Variants in TAGLN2 observed in about 807,000 individuals in gnomAD.
TAGLN2 encodes transgelin 2, also known as transgelin-2.
A neutral mutation model predicts 24.9 loss-of-function variants in TAGLN2; 14 were observed. That is an observed-to-expected ratio of 0.56 (90% CI 0.37 to 0.88). TAGLN2 has a LOEUF of 0.88. Ranked by LOEUF, TAGLN2 falls within the 40% of genes least tolerant of loss-of-function variation. TAGLN2 has a pLI of 0.00. For synonymous variants in TAGLN2, 77 were observed against 98.2 expected (o/e 0.78, Z 1.28); for missense variants, 208 against 258.9 (o/e 0.80, Z 1.35).
intron 1 of TAGLN2, among the ~76,000 whole-genome samples, chr1:159,922,568 A>G (rs1249548805): frequency 6.6e-6 from 1 of 152,174 alleles, no homozygotes; most frequent in Non-Finnish European, 1.5e-5. Context: ...TGGCTGGAAG[A>G]CAGGTAGGAA....
intron 1 of TAGLN2, among the ~76,000 whole-genome samples, chr1:159,924,056 G>A (rs1273900614): frequency 1.3e-5 from 2 of 152,198 alleles, no homozygotes; most frequent in Non-Finnish European, 2.9e-5. Flanking sequence ...TCAGGAAGTA[G>A]TTGTTCAGGA....
intron 2 of TAGLN2, 22 bp downstream of exon 2, chr1:159,920,308 G>T: frequency 1.2e-6 from 2 of 1,614,148 alleles, no homozygotes; most frequent in Non-Finnish European, 1.7e-6. Context: ...GCACTTCCAA[G>T]CCAGTGGGGC....
rs934651731 is a variant in TAGLN2 at position 159,923,376 on chromosome 1, A to C, written c.-29+2074T>G. 3.9e-6 allele frequency: 6 copies of C among 1,533,814 alleles called. No homozygotes were observed. In the African/African-American group the frequency reaches 8.3e-5, roughly 21 times the overall value. On this transcript the variant is annotated intron_variant, in intron 1 of 4. Transcript: ENST00000368097. ...TCACCCTGGAGTTACAATAGGCGGG[A>C]AACGGGGAGGGGCCACGCAAGGCAC...
At chr1:159,922,409 C>T (rs534957032) in intron 1 of TAGLN2, among the ~76,000 whole-genome samples, 1 of 152,296 alleles carries the variant, frequency 6.6e-6, no homozygotes, top group South Asian at 2.1e-4. Flanking sequence ...TGGGCCCCGA[C>T]CCACAGCGCC....
At chr1:159,920,561 T>G (rs1650499138) in intron 1 of TAGLN2, 24 bp from the exon 2 acceptor site, 4 of 1,602,538 alleles carry the variant, frequency 2.5e-6, no homozygotes, top group Non-Finnish European at 3.4e-6. Context: ...ACACCCGGGC[T>G]TTTGGTCAAC....
In TAGLN2 at chr1:159,918,663, A is replaced by G; in HGVS notation, c.*137T>C. On this transcript the variant is annotated 3_prime_UTR_variant, in exon 5 of 5. Transcript: ENST00000368097. ...TGCCAGCAGGCACCTCAGAGGTGAC[A>G]GGACAGGCTGAACCCCCCACCCTGA... The G allele has an allele frequency of 1.6e-6, 2 of 1,237,562 alleles. No individual in the cohort carries two copies. Among genetic ancestry groups the G allele is most frequent in the African/African-American group, 1.5e-5 (1 of 66,806 alleles). The allele number at this position is 1,237,562 out of a possible 1,614,324, so 76.7% of individuals were successfully genotyped here. A position where few individuals can be genotyped will look rare whatever the true frequency, so the allele number is the denominator to read the frequency against.
chr1:159,918,646 G>A lies in TAGLN2; in HGVS notation c.*154C>T. 2 of 1,030,274 alleles carry A rather than the reference G, an allele frequency of 1.9e-6. No homozygotes were observed. The highest frequency in any genetic ancestry group is 2.8e-6 in the Non-Finnish European group (2 of 709,308). 63.8% of individuals were successfully genotyped at this position (1,030,274 alleles called of 1,614,324 possible). ...AAGCATGGGGGAGAGGATGCCAGCA[G>A]GCACCTCAGAGGTGACAGGACAGGC... On this transcript the variant is annotated 3_prime_UTR_variant, in exon 5 of 5. Transcript: ENST00000368097.
chr1:159,923,693 A>T, intron 1 of TAGLN2: 1 of 446,774 alleles, frequency 2.2e-6, no homozygotes, highest in Non-Finnish European at 4.0e-6. Context: ...TAAGGGAACC[A>T]CCGTAGGGCA....
At position 159,919,385 on chromosome 1, in the gene TAGLN2, G is replaced by C. The variant is rs71628155; in HGVS notation, c.356-9C>G. 1.2e-6 allele frequency: 2 copies of C among 1,613,910 alleles called. No individual in the cohort carries two copies. The highest frequency in any genetic ancestry group is 1.7e-6 in the Non-Finnish European group (2 of 1,179,744). On this transcript the variant is annotated splice_polypyrimidine_tract_variant and intron_variant, in intron 3 of 4. Coordinates refer to ENST00000368097, the MANE Select transcript of TAGLN2 (RefSeq NM_003564.3). Reference sequence around the variant, plus strand: ...ACAGGCCATGTTCTTTCCTGGGAAGGAGAATGGGAATGTGTCAGCCTCCGC... The same window carrying C: ...ACAGGCCATGTTCTTTCCTGGGAAGCAGAATGGGAATGTGTCAGCCTCCGC...
In TAGLN2 at chr1:159,921,651, T is replaced by C. The variant is rs538665550; in HGVS notation, c.-28-1114A>G. ...ACTAATACAGGAGCCCTGGGTGATA[T>C]TTTTGGGGAAACCTGGAGAAGAGAA... is the stretch of plus-strand genomic sequence containing the variant. On this transcript the variant is annotated intron_variant, in intron 1 of 4. Coordinates refer to ENST00000368097, the MANE Select transcript of TAGLN2 (RefSeq NM_003564.3). 3.9e-5 allele frequency among the ~76,000 whole-genome samples: 6 copies of C among 152,344 alleles called. No individual in the cohort carries two copies. In the South Asian group the frequency reaches 1.2e-3, roughly 32 times the overall value.
intron 1 of TAGLN2, chr1:159,923,396 AG>A: frequency 6.5e-7 from 1 of 1,546,002 alleles, no homozygotes; most frequent in Non-Finnish European, 8.7e-7. Context: ...GGGCCACGCA[AG>A]GCACTCGGCC....
At chr1:159,922,517 ACTCCACCATAGAAAC>A (rs1415585032) in intron 1 of TAGLN2, among the ~76,000 whole-genome samples, 1 of 151,960 alleles carries the variant, frequency 6.6e-6, no homozygotes, top group Non-Finnish European at 1.5e-5. Flanking sequence ...CCCAGAGGCC[ACTCCACCATAGAAAC>A]CTCTAACCTC....
intron 1 of TAGLN2, among the ~76,000 whole-genome samples, chr1:159,921,976 C>G (rs1278557636): frequency 1.3e-5 from 2 of 152,240 alleles, no homozygotes; most frequent in Non-Finnish European, 2.9e-5. Flanking sequence ...TCAGGCTGCT[C>G]ACGAAAGGGG....
intron 1 of TAGLN2, among the ~76,000 whole-genome samples, chr1:159,921,067 T>C (rs571126474): frequency 1.6e-4 from 24 of 152,334 alleles, no homozygotes; most frequent in African/African-American, 5.8e-4. Context: ...TAGGCTTGAA[T>C]AGGTCCTTGA....
At chr1:159,919,409 G>T (rs748575134) in intron 3 of TAGLN2, 33 bp from the exon 4 acceptor site, 4 of 1,600,122 alleles carry the variant, frequency 2.5e-6, no homozygotes, top group Non-Finnish European at 3.4e-6. Context: ...GTCAGCCTCC[G>T]CAGTGTCCTA....
intron 2 of TAGLN2, chr1:159,920,050 G>T: frequency 2.6e-6 from 2 of 755,328 alleles, no homozygotes; most frequent in Non-Finnish European, 2.3e-6. Flanking sequence ...GTCTTTCCTT[G>T]CTAATATACC....
chr1:159,923,691 C>CATTTTTTAAT, intron 1 of TAGLN2: 1 of 474,252 alleles, frequency 2.1e-6, no homozygotes, highest in South Asian at 3.4e-5. Flanking sequence ...ATTAAGGGAA[C>CATTTTTTAAT]CACCGTAGGG....
Position 159,921,420 on chromosome 1 carries a change from A to G in TAGLN2, c.-28-883T>C, listed in dbSNP as rs1557925769. On this transcript the variant is annotated intron_variant, in intron 1 of 4. Transcript: ENST00000368097. ...GTAGAAGTCAGAGTCACACAGGGCC[A>G]TGAACCAAGCAATGCAGGTGGCCTC... 2.0e-5 allele frequency among the ~76,000 whole-genome samples: 3 copies of G among 152,342 alleles called. No individual in the cohort carries two copies. In the South Asian group the frequency reaches 6.2e-4, roughly 32 times the overall value.
chr1:159,920,359 T>C lies in TAGLN2; in HGVS notation c.151A>G (p.Asn51Asp), dbSNP rs1402269524. 6.2e-7 allele frequency: 1 copy of C among 1,614,226 alleles called. No individual in the cohort carries two copies. Among genetic ancestry groups the C allele is most frequent in the Non-Finnish European group, 8.5e-7 (1 of 1,180,046 alleles). ...CCATCCTTGAGCCAGTTCTGGAAGT[T>C]CTCGCGTCCAGGCTGGGGCCGGCCC... Reference protein sequence around the residue: ...DVGRPQPGRENFQNWLKDGTV... With the variant: ...DVGRPQPGREDFQNWLKDGTV... The change falls in exon 2 of 5, where the codon AAC (asparagine) becomes GAC (aspartate). Residue 51 changes from asparagine (N) to aspartate (D), a missense_variant. Physicochemically the swap from Asn to Asp is conservative, Grantham distance 23. Coordinates refer to ENST00000368097, the MANE Select transcript of TAGLN2 (RefSeq NM_003564.3).
Sources: allele counts gnomAD v4.1 joint callset (sites outside exome capture counted in the v4.1 genomes callset), GRCh38; gene constraint gnomAD v4.1.1; transcripts MANE v1.5; gene names NCBI Gene and HGNC (gene_info 2026-07-23, HGNC 2026-07-21).